The following CNTN4 variants were observed in gnomAD, a reference collection of about 807,000 sequenced individuals.
The protein encoded by CNTN4 is contactin 4, also known as contactin-4.
CNTN4 carries 77 observed loss-of-function variants against 122.5 expected under a neutral mutation model. The ratio of observed to expected loss-of-function variants is 0.63; its 90% confidence interval spans 0.52 to 0.76. The LOEUF (loss-of-function observed/expected upper bound fraction) is 0.76. CNTN4 is among the 30% of genes least tolerant of loss of function. The pLI is 0.00. For synonymous variants in CNTN4, 512 were observed against 447.0 expected, an observed-to-expected ratio of 1.15 and a Z score of -1.83; for missense variants, 1,256 against 1,259.1, an observed-to-expected ratio of 1.00 and a Z score of 0.04.
At chr3:2,202,549 T>C (rs535825213) in intron 2 of CNTN4, among the ~76,000 whole-genome samples, 26 of 152,286 alleles carry the variant, frequency 1.7e-4, no homozygotes, top group African/African-American at 5.8e-4. Flanking sequence ...GTTTCCAAAG[T>C]CTCAAGGTGA....
intron 2 of CNTN4, among the ~76,000 whole-genome samples, chr3:2,181,703 A>T (rs902552744): frequency 6.6e-6 from 1 of 152,094 alleles, no homozygotes; most frequent in Non-Finnish European, 1.5e-5. Context: ...AGTACCTTTC[A>T]TTCTGTTTTC....
chr3:2,399,010 A>G (rs1196879450), intron 3 of CNTN4, among the ~76,000 whole-genome samples: 1 of 152,162 alleles, frequency 6.6e-6, no homozygotes, highest in African/African-American at 2.4e-5. Flanking sequence ...GTAACTTAGG[A>G]ATCAGACAGC....
chr3:2,865,840 A>AT (rs1234807090), intron 7 of CNTN4, among the ~76,000 whole-genome samples: 1 of 152,200 alleles, frequency 6.6e-6, no homozygotes, highest in Admixed American at 6.5e-5. Flanking sequence ...CATTTACCTA[A>AT]TTCTTATAAA....
chr3:2,315,247 A>C (rs2150167173), intron 2 of CNTN4, among the ~76,000 whole-genome samples: 1 of 149,570 alleles, frequency 6.7e-6, no homozygotes, highest in South Asian at 2.1e-4. Flanking sequence ...ACTTCTCTTG[A>C]AATGAGAATT....
At chr3:2,279,080 A>C (rs1278579272) in intron 2 of CNTN4, among the ~76,000 whole-genome samples, 1 of 151,928 alleles carries the variant, frequency 6.6e-6, no homozygotes, top group Non-Finnish European at 1.5e-5. Context: ...TACCTGGCCT[A>C]AGTGGCTTGC....
chr3:2,864,592 A>G (rs1318952789), intron 7 of CNTN4, among the ~76,000 whole-genome samples: 1 of 151,844 alleles, frequency 6.6e-6, no homozygotes, highest in African/African-American at 2.4e-5. Context: ...TACAAAAATT[A>G]GCCAAGCGTC....
chr3:2,302,988 A>C (rs548510143), intron 2 of CNTN4, among the ~76,000 whole-genome samples: 1 of 152,318 alleles, frequency 6.6e-6, no homozygotes, highest in African/African-American at 2.4e-5. Context: ...TTGTTTACCC[A>C]TAACAGCTTA....
At chr3:2,332,081 G>T (rs1044198936) in intron 2 of CNTN4, among the ~76,000 whole-genome samples, 2 of 152,128 alleles carry the variant, frequency 1.3e-5, no homozygotes, top group African/African-American at 4.8e-5. Flanking sequence ...AGAGTCGATA[G>T]GGGTTCAGCG....
intron 7 of CNTN4, 149 bp from the exon 8 acceptor site, chr3:2,866,603 T>C: frequency 9.1e-7 from 1 of 1,102,546 alleles, no homozygotes; most frequent in South Asian, 1.4e-5. Flanking sequence ...CACGGGGGAC[T>C]GTGATTACTT....
At position 3,056,150 on chromosome 3, in the gene CNTN4, C is replaced by T; in HGVS notation, c.3011C>T (p.Thr1004Ile). The change falls in exon 25 of 25, where the codon ACT becomes ATT. Residue 1004 changes from threonine (T) to isoleucine (I), a missense_variant. By Grantham distance (89) the Thr-to-Ile change is moderately conservative. Transcript: ENST00000418658. ...TACGCGAGAGGATCTGGGGCTTCCA[C>T]TTCGAATGCATGTACGCTGTCAGCC... ...NAYARGSGASTSNACTLSAIS... is the reference protein window; with the variant it reads ...NAYARGSGASISNACTLSAIS... 2.5e-6 allele frequency: 4 copies of T among 1,614,128 alleles called. No individual in the cohort carries two copies. The highest frequency in any genetic ancestry group is 3.4e-6 in the Non-Finnish European group (4 of 1,179,978).
intron 14 of CNTN4, among the ~76,000 whole-genome samples, chr3:2,997,113 T>C (rs556146103): frequency 6.6e-6 from 1 of 152,366 alleles, no homozygotes; most frequent in South Asian, 2.1e-4. Context: ...GTTTTCAAAC[T>C]ATGGAGTCTT....
chr3:2,217,167 C>T (rs537759666), intron 2 of CNTN4, among the ~76,000 whole-genome samples: 2 of 152,232 alleles, frequency 1.3e-5, no homozygotes, highest in South Asian at 4.1e-4. Context: ...GATTGATGCT[C>T]CTGGGCTTTT....
At chr3:2,674,872 C>A (rs1273847658) in intron 4 of CNTN4, among the ~76,000 whole-genome samples, 2 of 152,180 alleles carry the variant, frequency 1.3e-5, no homozygotes, top group East Asian at 3.8e-4. Flanking sequence ...CCAACCTCTC[C>A]CTATCCCCAC....
intron 2 of CNTN4, among the ~76,000 whole-genome samples, chr3:2,256,668 A>G (rs1331638167): frequency 6.6e-6 from 1 of 152,146 alleles, no homozygotes; most frequent in Admixed American, 6.6e-5. Flanking sequence ...GAGCCAAATC[A>G]TGAGTGAACT....
Position 3,030,969 on chromosome 3 carries a change from G to A in CNTN4, c.1777G>A (p.Val593Ile). The A allele has an allele frequency of 6.2e-7, 1 of 1,614,064 alleles. No homozygotes were observed. The highest frequency in any genetic ancestry group is 8.5e-7 in the Non-Finnish European group (1 of 1,179,930). ...DRLSAAADLI[V>I]RGPPGPPEAV... ...GCTATCTGCTGCTGCAGACCTGATT[G>A]TAAGAGGTACTGGATTTTGTTGTTA... The change falls in exon 16 of 25, where the codon GTA becomes ATA. Residue 593 changes from valine to isoleucine, a missense_variant. Physicochemically the swap from Val to Ile is conservative, Grantham distance 29. Coordinates refer to ENST00000418658, the MANE Select transcript of CNTN4 (RefSeq NM_175607.3).
chr3:3,011,216 T>C (rs1697199398), intron 14 of CNTN4, among the ~76,000 whole-genome samples: 1 of 152,156 alleles, frequency 6.6e-6, no homozygotes, highest in African/African-American at 2.4e-5. Context: ...TCAGCTAAGC[T>C]TTTCTCAGAC....
chr3:2,887,866 A>G (rs1056528774), intron 10 of CNTN4, among the ~76,000 whole-genome samples: 1 of 152,178 alleles, frequency 6.6e-6, no homozygotes, highest in Admixed American at 6.5e-5. Context: ...CCCTGTTAGG[A>G]TACTGATTTG....
At chr3:2,769,127 A>G (rs2090979459) in intron 6 of CNTN4, among the ~76,000 whole-genome samples, 1 of 152,142 alleles carries the variant, frequency 6.6e-6, no homozygotes. Context: ...AAACTTACCT[A>G]TACTGAAATT....
rs114264849 is a variant in CNTN4 at position 3,032,438 on chromosome 3, C to T, written c.1783+1463C>T. ...TTAAATACCAGGAGGAATTTGCAAA[C>T]GCAGTCTAAAAGAAAATCTAGTCTA... On this transcript the variant is annotated intron_variant, in intron 16 of 24. Coordinates refer to ENST00000418658, the MANE Select transcript of CNTN4 (RefSeq NM_175607.3). Among the ~76,000 whole-genome samples, 1,008 of 152,290 alleles carry T rather than the reference C, an allele frequency of 6.6e-3. 13 individuals carry two copies. Among genetic ancestry groups the T allele is most frequent in the African/African-American group, 0.023 (949 of 41,556 alleles).
Sources: gnomAD v4.1 joint callset for allele counts (sites outside exome capture counted in the v4.1 genomes callset) on GRCh38, gnomAD v4.1.1 for gene constraint, MANE v1.5 for transcripts, NCBI Gene and HGNC (gene_info 2026-07-23, HGNC 2026-07-21) for gene names.